The following NOX3 variants were observed in gnomAD, a reference collection of about 807,000 sequenced individuals.
The protein encoded by NOX3 is NADPH oxidase 3, also known as NADPH oxidase catalytic subunit-like 3.
Under a neutral mutation model 76.7 loss-of-function variants are expected in NOX3, and 74 were observed. The observed-to-expected ratio is 0.96, with a 90% CI of 0.80 to 1.17. The LOEUF (loss-of-function observed/expected upper bound fraction) is 1.17. Among genes scored for constraint, NOX3 ranks in the 50% most tolerant of loss-of-function variants. NOX3 has a pLI of 0.00. For missense variants in NOX3, 695 were observed against 703.3 expected (o/e 0.99, Z 0.13); for synonymous variants, 263 against 261.1 (o/e 1.01, Z -0.07).
chr6:155,446,455 C>A (rs1469399482), intron 4 of NOX3, among the ~76,000 whole-genome samples: 2 of 152,118 alleles, frequency 1.3e-5, no homozygotes, highest in Non-Finnish European at 2.9e-5. Flanking sequence ...ATGCTGTAGG[C>A]ATATTACCTG....
At position 155,430,825 on chromosome 6, in the gene NOX3, A is replaced by G. The variant is rs1165899138; in HGVS notation, c.891+18T>C. On this transcript the variant is annotated intron_variant, in intron 8 of 13. Transcript: ENST00000159060. ...TCTACACTCAGGCTTTTATTCAGACATAAAGCTACATGCATACCTTGGTAA... is the reference window on the plus strand; with the variant it reads ...TCTACACTCAGGCTTTTATTCAGACGTAAAGCTACATGCATACCTTGGTAA... The G allele has an allele frequency of 1.3e-6, 2 of 1,563,224 alleles. No homozygotes were observed. The highest frequency in any genetic ancestry group is 1.8e-6 in the Non-Finnish European group (2 of 1,138,406).
chr6:155,442,186 T>TC (rs1221906763), intron 5 of NOX3, among the ~76,000 whole-genome samples: 1 of 151,738 alleles, frequency 6.6e-6, no homozygotes, highest in East Asian at 1.9e-4. Flanking sequence ...ATAGCGTGAA[T>TC]CCGGGAGGCG....
chr6:155,445,553 G>A lies in NOX3; in HGVS notation c.341-2135C>T, dbSNP rs6935359. 2.6e-4 allele frequency among the ~76,000 whole-genome samples: 39 copies of A among 151,874 alleles called. 1 individual carries two copies. Among genetic ancestry groups the A allele is most frequent in the African/African-American group, 8.7e-4 (36 of 41,398 alleles). ...TTTTCTGATTTGCAAAATTTTCTAC[G>A]CATGCCTTACAACTCACTTCAAAAG... On this transcript the variant is annotated intron_variant, in intron 4 of 13. Coordinates refer to ENST00000159060, the MANE Select transcript of NOX3 (RefSeq NM_015718.3).
intron 6 of NOX3, 98 bp from the exon 7 acceptor site, chr6:155,436,645 G>T: frequency 8.1e-7 from 1 of 1,236,476 alleles, no homozygotes; most frequent in Non-Finnish European, 1.1e-6. Context: ...CCTACAGTGA[G>T]CTCTGAAATA....
chr6:155,423,534 A>G (rs895158953), intron 9 of NOX3, among the ~76,000 whole-genome samples: 2 of 152,144 alleles, frequency 1.3e-5, no homozygotes, highest in Non-Finnish European at 2.9e-5. Flanking sequence ...TATTCATTGA[A>G]TAAATAAGAG....
chr6:155,411,412 G>C, intron 10 of NOX3, 52 bp from the exon 11 acceptor site: 6 of 1,508,676 alleles, frequency 4.0e-6, no homozygotes, highest in Non-Finnish European at 5.4e-6. Context: ...CATATGTGCT[G>C]ATAATCACAG....
At chr6:155,421,455 TG>T (rs1776687840) in intron 10 of NOX3, among the ~76,000 whole-genome samples, 1 of 152,212 alleles carries the variant, frequency 6.6e-6, no homozygotes, top group African/African-American at 2.4e-5. Flanking sequence ...CCTCATTGCC[TG>T]GGATGCTTCA....
chr6:155,413,009 C>G (rs1349794663), intron 10 of NOX3, among the ~76,000 whole-genome samples: 1 of 152,184 alleles, frequency 6.6e-6, no homozygotes, highest in Non-Finnish European at 1.5e-5. Context: ...CAAACGGGGG[C>G]TCAATGAGCC....
intron 12 of NOX3, among the ~76,000 whole-genome samples, chr6:155,397,264 A>G (rs1398831592): frequency 6.6e-6 from 1 of 152,080 alleles, no homozygotes; most frequent in African/African-American, 2.4e-5. Flanking sequence ...GCACTTTACA[A>G]TGGCAGAGTT....
intron 10 of NOX3, among the ~76,000 whole-genome samples, chr6:155,413,758 C>T (rs1203960034): frequency 6.6e-6 from 1 of 152,142 alleles, no homozygotes; most frequent in Non-Finnish European, 1.5e-5. Context: ...CCTGTTTCAT[C>T]TCAGAGTTGG....
chr6:155,431,413 A>AACACACATACAC (rs1776831247), intron 7 of NOX3, among the ~76,000 whole-genome samples: 2 of 144,732 alleles, frequency 1.4e-5, no homozygotes, highest in African/African-American at 2.6e-5. Context: ...TAAACACAGA[A>AACACACATACAC]ACACACACAC....
At chr6:155,401,358 T>C (rs1186430191) in intron 12 of NOX3, among the ~76,000 whole-genome samples, 1 of 152,210 alleles carries the variant, frequency 6.6e-6, no homozygotes, top group Non-Finnish European at 1.5e-5. Context: ...CTGTAACTTA[T>C]CATGTGTTGT....
Position 155,414,713 on chromosome 6 carries a change from C to G in NOX3, c.1309-3353G>C, listed in dbSNP as rs1413250365. Among the ~76,000 whole-genome samples the G allele has an allele frequency of 2.7e-5, 4 of 150,398 alleles. No individual in the cohort carries two copies. The East Asian group carries it at 7.8e-4, about 30-fold the overall frequency. On this transcript the variant is annotated intron_variant, in intron 10 of 13. Coordinates refer to ENST00000159060, the MANE Select transcript of NOX3 (RefSeq NM_015718.3). ...TGGGATCTTGGCTCACTGCAACCTC[C>G]ACCTCCCGGGTTCAAGTGATTCTCC...
At chr6:155,452,111 T>A (rs2114711178) in intron 4 of NOX3, among the ~76,000 whole-genome samples, 1 of 152,364 alleles carries the variant, frequency 6.6e-6, no homozygotes, top group South Asian at 2.1e-4. Flanking sequence ...TGGAGATTCC[T>A]TGAATTGCTT....
At chr6:155,426,193 CA>C (rs1259745754) in intron 9 of NOX3, among the ~76,000 whole-genome samples, 4 of 152,146 alleles carry the variant, frequency 2.6e-5, no homozygotes, top group Admixed American at 2.0e-4. Context: ...CATACAGAGG[CA>C]GAGGGCGAAA....
chr6:155,437,430 G>A (rs1776922624), intron 6 of NOX3, among the ~76,000 whole-genome samples: 1 of 152,204 alleles, frequency 6.6e-6, no homozygotes, highest in Non-Finnish European at 1.5e-5. Flanking sequence ...GTGGAGTGGT[G>A]TGGCCCCTGT....
chr6:155,445,996 T>TATATATATAA (rs1554264831), intron 4 of NOX3, among the ~76,000 whole-genome samples: 47 of 134,376 alleles, frequency 3.5e-4, no homozygotes, highest in Non-Finnish European at 6.1e-4. Context: ...TATATATATA[T>TATATATATAA]AATATATATA....
At chr6:155,450,910 T>C (rs1777126052) in intron 4 of NOX3, among the ~76,000 whole-genome samples, 1 of 152,172 alleles carries the variant, frequency 6.6e-6, no homozygotes, top group Non-Finnish European at 1.5e-5. Flanking sequence ...TAGCAGCAAG[T>C]GAATAACCCT....
At chr6:155,449,290 C>T (rs1352678369) in intron 4 of NOX3, among the ~76,000 whole-genome samples, 1 of 152,152 alleles carries the variant, frequency 6.6e-6, no homozygotes, top group Admixed American at 6.5e-5. Context: ...CAGAAGCAAG[C>T]TGCCGACTCT....
Sources: allele counts gnomAD v4.1 joint callset (sites outside exome capture counted in the v4.1 genomes callset), GRCh38; gene constraint gnomAD v4.1.1; transcripts MANE v1.5; gene names NCBI Gene and HGNC (gene_info 2026-07-23, HGNC 2026-07-21).